TOX: variants seen among roughly 807,000 people sequenced by gnomAD.
The protein encoded by TOX is thymocyte selection associated high mobility group box, also known as thymocyte selection-associated high mobility group box protein TOX.
In TOX, 11 loss-of-function variants were observed where a neutral mutation model predicts 53.7. The observed-to-expected ratio is 0.20, with a 90% confidence interval of 0.13 to 0.34. The LOEUF is 0.34. TOX is among the 10% of genes least tolerant of loss of function. The pLI is 1.00. For synonymous variants in TOX, 225 were observed against 245.3 expected, an observed-to-expected ratio of 0.92 and a Z score of 0.77; for missense variants, 570 against 664.6, an observed-to-expected ratio of 0.86 and a Z score of 1.56.
At chr8:59,083,511 G>A (rs1586009218) in intron 1 of TOX, among the ~76,000 whole-genome samples, 2 of 152,276 alleles carry the variant, frequency 1.3e-5, no homozygotes, top group African/African-American at 2.4e-5. Flanking sequence ...GAGCATTTAT[G>A]GAGATGAAAT....
intron 1 of TOX, among the ~76,000 whole-genome samples, chr8:59,009,304 C>CTCTTTCCT (rs1038956358): frequency 1.3e-5 from 2 of 151,060 alleles, no homozygotes; most frequent in South Asian, 2.1e-4. Context: ...TCAGTCTCCT[C>CTCTTTCCT]TCTTTCCTTC....
chr8:59,025,702 C>T (rs1467118849), intron 1 of TOX, among the ~76,000 whole-genome samples: 1 of 152,150 alleles, frequency 6.6e-6, no homozygotes, highest in African/African-American at 2.4e-5. Flanking sequence ...ACTCAGAGGT[C>T]ACCTTCTCAA....
chr8:58,908,762 T>A (rs987761456), intron 3 of TOX, among the ~76,000 whole-genome samples: 4 of 152,230 alleles, frequency 2.6e-5, no homozygotes, highest in African/African-American at 9.6e-5. Context: ...ATATATTTAC[T>A]GAATAAATTA....
At chr8:59,106,605 C>T (rs961945308) in intron 1 of TOX, among the ~76,000 whole-genome samples, 5 of 152,092 alleles carry the variant, frequency 3.3e-5, no homozygotes, top group African/African-American at 7.2e-5. Flanking sequence ...TTTTTTGGCA[C>T]GGCTGACCTG....
intron 2 of TOX, among the ~76,000 whole-genome samples, chr8:58,944,056 A>T (rs1297413188): frequency 1.3e-5 from 2 of 152,240 alleles, no homozygotes; most frequent in Non-Finnish European, 2.9e-5. Flanking sequence ...ACTCAAAATT[A>T]TATTACTGTT....
At position 59,046,779 on chromosome 8, in the gene TOX, A is replaced by T. The variant is rs1803690280; in HGVS notation, c.102+72107T>A. On this transcript the variant is annotated intron_variant, in intron 1 of 8. Coordinates refer to ENST00000361421, the MANE Select transcript of TOX (RefSeq NM_014729.3). The stretch of plus-strand genomic sequence containing the variant: ...AGGCTGAGGCATGAGAATTCGCTTG[A>T]ACCTGGGAGGCAGAGGTTGCAGTAA... Among the ~76,000 whole-genome samples, 4 of 140,396 alleles carry T rather than the reference A, an allele frequency of 2.8e-5. No individual in the cohort carries two copies. In the Admixed American group the frequency reaches 3.2e-4, roughly 11 times the overall value. The allele number at this position is 140,396 out of a possible 152,430, so 92.1% of individuals were successfully genotyped here.
chr8:58,994,339 A>C (rs1287299275), intron 1 of TOX, among the ~76,000 whole-genome samples: 3 of 152,158 alleles, frequency 2.0e-5, no homozygotes, highest in Non-Finnish European at 4.4e-5. Context: ...TTAAGGAAAA[A>C]AAATCAGTAA....
chr8:59,101,677 A>G (rs1804809009), intron 1 of TOX, among the ~76,000 whole-genome samples: 1 of 152,242 alleles, frequency 6.6e-6, no homozygotes, highest in South Asian at 2.1e-4. Context: ...AAGGAAAAAC[A>G]TATTCTTGTC....
At chr8:58,992,603 G>A (rs1036583006) in intron 1 of TOX, among the ~76,000 whole-genome samples, 1 of 152,088 alleles carries the variant, frequency 6.6e-6, no homozygotes, top group African/African-American at 2.4e-5. Flanking sequence ...GCCTTCTATA[G>A]AGAACAGCAG....
chr8:59,098,030 C>T (rs1317730168), intron 1 of TOX, among the ~76,000 whole-genome samples: 1 of 151,666 alleles, frequency 6.6e-6, no homozygotes, highest in Non-Finnish European at 1.5e-5. Context: ...TTGGAGTAAC[C>T]AGCACAAATA....
chr8:58,833,380 C>T (rs1259321996), intron 5 of TOX, among the ~76,000 whole-genome samples: 7 of 152,116 alleles, frequency 4.6e-5, no homozygotes, highest in East Asian at 1.9e-4. Context: ...TGCTTCAAAG[C>T]GGGACGAGCT....
intron 1 of TOX, among the ~76,000 whole-genome samples, chr8:58,967,432 G>T (rs923592362): frequency 2.0e-5 from 3 of 152,138 alleles, no homozygotes; most frequent in Non-Finnish European, 4.4e-5. Flanking sequence ...TGCTCAGCCT[G>T]CCTGACCCTC....
At chr8:59,065,974 G>C (rs1469448282) in intron 1 of TOX, among the ~76,000 whole-genome samples, 1 of 152,182 alleles carries the variant, frequency 6.6e-6, no homozygotes, top group East Asian at 1.9e-4. Context: ...ACCCAATTCT[G>C]AATGCTGAAT....
chr8:58,909,509 A>C (rs535454837), intron 3 of TOX, among the ~76,000 whole-genome samples: 16 of 152,318 alleles, frequency 1.1e-4, no homozygotes, highest in Middle Eastern at 3.4e-3. Flanking sequence ...ACAAAAAAAA[A>C]GTTAATTCTG....
chr8:59,111,858 G>A (rs182508411), intron 1 of TOX, among the ~76,000 whole-genome samples: 14 of 152,094 alleles, frequency 9.2e-5, no homozygotes, highest in African/African-American at 3.4e-4. Flanking sequence ...CATAATTCAG[G>A]AATGAAAAAC....
intron 3 of TOX, among the ~76,000 whole-genome samples, chr8:58,867,501 G>A (rs532008470): frequency 6.6e-5 from 10 of 152,188 alleles, no homozygotes; most frequent in South Asian, 2.1e-4. Flanking sequence ...AGGCTTTCCC[G>A]GACAAGCCTA....
At chr8:58,984,106 G>A (rs978514352) in intron 1 of TOX, among the ~76,000 whole-genome samples, 1 of 152,132 alleles carries the variant, frequency 6.6e-6, no homozygotes, top group Non-Finnish European at 1.5e-5. Context: ...ATTGGATTTG[G>A]CAATGATTTC....
intron 2 of TOX, among the ~76,000 whole-genome samples, chr8:58,946,343 AAG>A (rs1812521739): frequency 6.6e-6 from 1 of 152,166 alleles, no homozygotes; most frequent in Non-Finnish European, 1.5e-5. Context: ...TTTTTCCTGA[AAG>A]AGTTTAAATT....
At chr8:59,093,761 G>A (rs952916781) in intron 1 of TOX, among the ~76,000 whole-genome samples, 9 of 152,100 alleles carry the variant, frequency 5.9e-5, no homozygotes, top group Non-Finnish European at 1.0e-4. Flanking sequence ...CTTGATTGTT[G>A]AGCTATAAAT....
Sources: gnomAD v4.1 joint callset for allele counts (sites outside exome capture counted in the v4.1 genomes callset) on GRCh38, gnomAD v4.1.1 for gene constraint, MANE v1.5 for transcripts, NCBI Gene and HGNC (gene_info 2026-07-23, HGNC 2026-07-21) for gene names.